Variants in EPHB1 observed in about 807,000 individuals in gnomAD.
EPHB1 encodes the protein ephrin type-B receptor 1.
A neutral mutation model predicts 94.4 loss-of-function variants in EPHB1; 30 were observed. That is an observed-to-expected ratio of 0.32 (90% CI 0.24 to 0.43). EPHB1 has a LOEUF of 0.43. EPHB1 is among the 20% of genes least tolerant of loss of function. The pLI is 1.00. For synonymous variants in EPHB1, 522 were observed against 489.1 expected, an observed-to-expected ratio of 1.07 and a Z score of -0.89; for missense variants, 1,055 against 1,308.3, an observed-to-expected ratio of 0.81 and a Z score of 2.99.
chr3:134,973,534 C>A (rs186479237), intron 3 of EPHB1, among the ~76,000 whole-genome samples: 1 of 145,888 alleles, frequency 6.9e-6, no homozygotes, highest in African/African-American at 2.5e-5. Context: ...TGGGTTCAAG[C>A]GATTCTCCTT....
At chr3:134,823,128 G>A (rs910966391) in intron 1 of EPHB1, among the ~76,000 whole-genome samples, 16 of 152,162 alleles carry the variant, frequency 1.1e-4, no homozygotes, top group African/African-American at 3.9e-4. Flanking sequence ...TTTGCCTTGG[G>A]CCTGAGGCCT....
At chr3:135,245,354 T>C (rs1055765637) in intron 13 of EPHB1, among the ~76,000 whole-genome samples, 8 of 152,198 alleles carry the variant, frequency 5.3e-5, no homozygotes, top group African/African-American at 1.7e-4. Flanking sequence ...CCAAGGTCTA[T>C]GCACTATGTA....
chr3:134,947,319 G>A (rs376412665), intron 2 of EPHB1, among the ~76,000 whole-genome samples: 30 of 151,738 alleles, frequency 2.0e-4, no homozygotes, highest in African/African-American at 6.5e-4. Context: ...CTCTTTCTTC[G>A]ACCCCCCCAG....
chr3:134,910,414 A>G (rs1449413539), intron 1 of EPHB1, among the ~76,000 whole-genome samples: 1 of 152,244 alleles, frequency 6.6e-6, no homozygotes, highest in Non-Finnish European at 1.5e-5. Context: ...ATTTATGCAC[A>G]GAGGCATTCA....
intron 3 of EPHB1, among the ~76,000 whole-genome samples, chr3:135,056,144 A>T (rs560462470): frequency 6.6e-6 from 1 of 152,368 alleles, no homozygotes; most frequent in East Asian, 1.9e-4. Flanking sequence ...CCTGCACACC[A>T]GTGTGGAACA....
At chr3:135,173,161 A>G (rs1004454530) in intron 9 of EPHB1, among the ~76,000 whole-genome samples, 10 of 150,120 alleles carry the variant, frequency 6.7e-5, no homozygotes, top group African/African-American at 2.5e-4. Flanking sequence ...CAGCCTCCCA[A>G]GTAGCTGGGA....
intron 5 of EPHB1, among the ~76,000 whole-genome samples, chr3:135,140,570 G>A (rs1576420542): frequency 6.6e-6 from 1 of 152,178 alleles, no homozygotes; most frequent in African/African-American, 2.4e-5. Flanking sequence ...GCACCTTTGG[G>A]TGGGGAGCTG....
At chr3:135,016,935 T>C (rs952977934) in intron 3 of EPHB1, among the ~76,000 whole-genome samples, 5 of 152,114 alleles carry the variant, frequency 3.3e-5, no homozygotes, top group African/African-American at 1.2e-4. Flanking sequence ...GGGCTGTAGC[T>C]CACCCCAAAC....
chr3:134,909,561 A>G (rs537249553), intron 1 of EPHB1, among the ~76,000 whole-genome samples: 5 of 152,342 alleles, frequency 3.3e-5, no homozygotes, highest in South Asian at 2.1e-4. Context: ...GAATGAGCAG[A>G]TGAAATCTGG....
chr3:134,939,527 C>T (rs2039076092), intron 2 of EPHB1, among the ~76,000 whole-genome samples: 4 of 152,124 alleles, frequency 2.6e-5, no homozygotes, highest in Non-Finnish European at 2.9e-5. Flanking sequence ...ATGGTAGATC[C>T]CTCTGGGCTT....
chr3:134,854,117 T>C (rs966286795), intron 1 of EPHB1, among the ~76,000 whole-genome samples: 5 of 152,178 alleles, frequency 3.3e-5, no homozygotes, highest in South Asian at 2.1e-4. Flanking sequence ...CTGAGCTAGG[T>C]TGAAGCTCCA....
At chr3:135,128,074 C>G (rs1426614119) in intron 4 of EPHB1, among the ~76,000 whole-genome samples, 1 of 152,118 alleles carries the variant, frequency 6.6e-6, no homozygotes, top group Non-Finnish European at 1.5e-5. Flanking sequence ...AAAAGCCTGT[C>G]TGTATGTAAT....
intron 3 of EPHB1, among the ~76,000 whole-genome samples, chr3:134,977,049 C>T (rs1291830871): frequency 1.3e-5 from 2 of 152,222 alleles, no homozygotes; most frequent in Admixed American, 1.3e-4. Flanking sequence ...TGTTTTCACA[C>T]AGGAGGAATG....
intron 11 of EPHB1, among the ~76,000 whole-genome samples, chr3:135,200,543 A>G (rs777489881): frequency 1.2e-4 from 18 of 152,330 alleles, no homozygotes; most frequent in Non-Finnish European, 2.1e-4. Flanking sequence ...TTTTGGAAAG[A>G]GGAAAAGATG....
chr3:134,872,057 CT>C (rs1446737851), intron 1 of EPHB1, among the ~76,000 whole-genome samples: 1 of 152,188 alleles, frequency 6.6e-6, no homozygotes, highest in Non-Finnish European at 1.5e-5. Flanking sequence ...AGAGGGGATA[CT>C]TTTTTGCTGT....
chr3:135,080,060 G>A (rs1392709329), intron 3 of EPHB1, among the ~76,000 whole-genome samples: 3 of 152,136 alleles, frequency 2.0e-5, no homozygotes, highest in African/African-American at 7.2e-5. Context: ...CAATAATGAG[G>A]GATGGGCTAA....
At chr3:135,134,526 G>A (rs1270906081) in intron 5 of EPHB1, among the ~76,000 whole-genome samples, 2 of 152,196 alleles carry the variant, frequency 1.3e-5, no homozygotes, top group Admixed American at 1.3e-4. Context: ...TTGTATGTAT[G>A]TGTATGGTCA....
chr3:135,067,188 T>A (rs2107779855), intron 3 of EPHB1, among the ~76,000 whole-genome samples: 1 of 152,238 alleles, frequency 6.6e-6, no homozygotes, highest in Non-Finnish European at 1.5e-5. Flanking sequence ...AGGTGGTGCT[T>A]TCAAGAGAGC....
chr3:135,089,646 G>A (rs1248338799), intron 3 of EPHB1, among the ~76,000 whole-genome samples: 1 of 152,178 alleles, frequency 6.6e-6, no homozygotes, highest in Admixed American at 6.5e-5. Context: ...GTGAGAGTGG[G>A]CACAGGAGAG....
Sources: gnomAD v4.1 joint callset for allele counts (sites outside exome capture counted in the v4.1 genomes callset) on GRCh38, gnomAD v4.1.1 for gene constraint, MANE v1.5 for transcripts, NCBI Gene and HGNC (gene_info 2026-07-23, HGNC 2026-07-21) for gene names.